The following RBFOX1 variants were observed in gnomAD, a reference collection of about 807,000 sequenced individuals.
The protein encoded by RBFOX1 is RNA binding protein fox-1 homolog 1.
In RBFOX1, 8 loss-of-function variants were observed where a neutral mutation model predicts 57.7. The observed-to-expected ratio is 0.14, with a 90% CI of 0.08 to 0.25. The LOEUF is 0.25. RBFOX1 is among the 10% of genes least tolerant of loss of function. The pLI, the probability that RBFOX1 is intolerant of heterozygous loss-of-function variation, is 1.00. For synonymous variants in RBFOX1, 326 were observed against 222.4 expected (o/e 1.47, Z -4.15); for missense variants, 611 against 548.5 (o/e 1.11, Z -1.14).
At chr16:6,398,750 C>A (rs1471810826) in intron 2 of RBFOX1, among the ~76,000 whole-genome samples, 1 of 152,218 alleles carries the variant, frequency 6.6e-6, no homozygotes, top group African/African-American at 2.4e-5. Flanking sequence ...CTTTCATGGG[C>A]TGGCATTGAG....
chr16:5,441,907 C>G (rs1567516179), intron 1 of RBFOX1, among the ~76,000 whole-genome samples: 1 of 152,188 alleles, frequency 6.6e-6, no homozygotes, highest in Non-Finnish European at 1.5e-5. Context: ...CACTTGTTCT[C>G]TCCCACGACA....
rs1491529740 is a variant in RBFOX1, at chr16:5,455,020, T to TTTCC, written c.220-12193_220-12192insCTTC. Among the ~76,000 whole-genome samples the TTTCC allele has an allele frequency of 2.6e-3, 299 of 115,766 alleles. 7 individuals are homozygous for TTTCC. Among genetic ancestry groups the TTTCC allele is most frequent in the African/African-American group, 8.9e-3 (277 of 30,976 alleles). 75.9% of individuals were successfully genotyped at this position (115,766 alleles called of 152,430 possible). On this transcript the variant is annotated intron_variant, in intron 1 of 2. Transcript: ENST00000585867. ...CTTTCTTTCTTTCTTTCTTTCTTTC[T>TTTCC]TTCTCTCTCTCTGTCTGTCTCTCTT...
At chr16:5,644,224 G>T (rs1021378029) in intron 3 of RBFOX1, among the ~76,000 whole-genome samples, 1 of 152,150 alleles carries the variant, frequency 6.6e-6, no homozygotes, top group Non-Finnish European at 1.5e-5. Flanking sequence ...TTTAAAAAAA[G>T]TAAATTGGGG....
At chr16:6,626,650 C>G (rs547182274) in intron 2 of RBFOX1, among the ~76,000 whole-genome samples, 1 of 152,140 alleles carries the variant, frequency 6.6e-6, no homozygotes, top group Admixed American at 6.5e-5. Flanking sequence ...ATCGCAGGTA[C>G]TCAGGAGGCT....
At position 6,255,841 on chromosome 16, in the gene RBFOX1, T is replaced by C. The variant is rs113703220; in HGVS notation, c.-126-61154T>C. ...TCACTGATAAGAGGGAGTTGAACAA[T>C]GAGAATACATGGATACAGGGAGGAG... On this transcript the variant is annotated intron_variant, in intron 1 of 15. Coordinates refer to ENST00000550418, the MANE Select transcript of RBFOX1 (RefSeq NM_018723.4). Among the ~76,000 whole-genome samples the C allele has an allele frequency of 2.4e-3, 367 of 151,734 alleles. 2 individuals are homozygous for C. The highest frequency in any genetic ancestry group is 8.1e-3 in the African/African-American group (334 of 41,364).
At chr16:5,861,531 C>A (rs2057213189) in intron 3 of RBFOX1, among the ~76,000 whole-genome samples, 1 of 152,198 alleles carries the variant, frequency 6.6e-6, no homozygotes, top group African/African-American at 2.4e-5. Context: ...ACCTGGGACT[C>A]CTACATGAGA....
In RBFOX1 at chr16:6,427,587, A is replaced by G. The variant is rs1227545541; in HGVS notation, c.-64+110530A>G. On this transcript the variant is annotated intron_variant, in intron 2 of 15. Transcript: ENST00000550418. Reference sequence around the variant, plus strand: ...GGTGTTGAATTCTCCTTACACCTTAATGAAAGAGTAAAAATGTTGAGGAGG... The same window carrying G: ...GGTGTTGAATTCTCCTTACACCTTAGTGAAAGAGTAAAAATGTTGAGGAGG... Among the ~76,000 whole-genome samples the G allele has an allele frequency of 3.9e-5, 6 of 152,348 alleles. 1 individual carries two copies. Among genetic ancestry groups the G allele is most frequent in the Middle Eastern group, 6.8e-3 (2 of 294 alleles).
chr16:5,648,151 C>T (rs1191599425), intron 3 of RBFOX1, among the ~76,000 whole-genome samples: 1 of 152,140 alleles, frequency 6.6e-6, no homozygotes, highest in Non-Finnish European at 1.5e-5. Flanking sequence ...TGAGCCACTG[C>T]ACCTGGCCAC....
intron 4 of RBFOX1, among the ~76,000 whole-genome samples, chr16:7,138,121 C>T (rs915131233): frequency 2.0e-5 from 3 of 152,052 alleles, no homozygotes; most frequent in Admixed American, 2.0e-4. Flanking sequence ...CCAAATCATA[C>T]AGAAAGCGCT....
At chr16:7,231,098 G>A (rs748588851) in intron 4 of RBFOX1, among the ~76,000 whole-genome samples, 1 of 152,108 alleles carries the variant, frequency 6.6e-6, no homozygotes, top group Non-Finnish European at 1.5e-5. Flanking sequence ...CCAGAATTCA[G>A]GGTAAGATAA....
At chr16:7,187,466 A>C (rs12928012) in intron 4 of RBFOX1, among the ~76,000 whole-genome samples, 2 of 150,390 alleles carry the variant, frequency 1.3e-5, no homozygotes, top group Non-Finnish European at 3.0e-5. Context: ...AAGGCGGGCT[A>C]ATCACGAGAT....
intron 3 of RBFOX1, among the ~76,000 whole-genome samples, chr16:5,681,944 C>G (rs4786751): frequency 0.26 from 38,872 of 151,878 alleles, 5,579 homozygotes; most frequent in East Asian, 0.57. Context: ...AGCAGTCTGA[C>G]TATTTTTCTT....
intron 2 of RBFOX1, 28 bp from the exon 3 acceptor site, chr16:6,654,575 A>T: frequency 6.7e-7 from 1 of 1,493,338 alleles, no homozygotes; most frequent in Non-Finnish European, 8.9e-7. Context: ...TCTTTCTCTC[A>T]CTTTCCTTTC....
At chr16:7,521,563 G>GC (rs1017396990) in intron 5 of RBFOX1, among the ~76,000 whole-genome samples, 3 of 152,164 alleles carry the variant, frequency 2.0e-5, no homozygotes, top group African/African-American at 7.2e-5. Flanking sequence ...TGTCCACAGT[G>GC]CCCCAGGCAC....
chr16:6,895,835 G>A (rs775819783), intron 3 of RBFOX1, among the ~76,000 whole-genome samples: 21 of 151,974 alleles, frequency 1.4e-4, no homozygotes, highest in Non-Finnish European at 1.9e-4. Flanking sequence ...AACCTCTTGG[G>A]ATCAGTGTTA....
chr16:6,595,402 G>GTAGCC lies in RBFOX1; in HGVS notation c.-63-59200_-63-59196dup, dbSNP rs1209869234. Among the ~76,000 whole-genome samples the GTAGCC allele has an allele frequency of 6.6e-5, 10 of 152,230 alleles. No homozygotes were observed. The South Asian group carries it at 1.9e-3, about 28-fold the overall frequency. ...CATGTGTCAATTTAATTCACGTTTT[G>GTAGCC]TAGCCAAATAATATTACGTTATATA... On this transcript the variant is annotated intron_variant, in intron 2 of 15. Coordinates refer to ENST00000550418, the MANE Select transcript of RBFOX1 (RefSeq NM_018723.4).
intron 3 of RBFOX1, among the ~76,000 whole-genome samples, chr16:5,709,648 C>A (rs1388186972): frequency 6.7e-6 from 1 of 150,332 alleles, no homozygotes; most frequent in Non-Finnish European, 1.5e-5. Context: ...TTGCTGCATT[C>A]TTACATAGGA....
At chr16:6,696,933 C>T (rs1213416360) in intron 3 of RBFOX1, among the ~76,000 whole-genome samples, 2 of 152,186 alleles carry the variant, frequency 1.3e-5, no homozygotes, top group Non-Finnish European at 2.9e-5. Flanking sequence ...ATATAAACTC[C>T]AGCAGGCTAA....
intron 2 of RBFOX1, among the ~76,000 whole-genome samples, chr16:6,460,005 A>AAAAAC: frequency 1.5e-5 from 2 of 133,476 alleles, no homozygotes; most frequent in Non-Finnish European, 1.5e-5. Context: ...AAAAAAAAAA[A>AAAAAC]AAAAAAAAAA....
Sources: gnomAD v4.1 joint callset for allele counts (sites outside exome capture counted in the v4.1 genomes callset) on GRCh38, gnomAD v4.1.1 for gene constraint, MANE v1.5 for transcripts, NCBI Gene and HGNC (gene_info 2026-07-23, HGNC 2026-07-21) for gene names.